The following CNTN5 variants were observed in gnomAD, a reference collection of about 807,000 sequenced individuals.
The protein encoded by CNTN5 is contactin-5.
A neutral mutation model predicts 129.1 loss-of-function variants in CNTN5; 77 were observed. The observed-to-expected ratio is 0.60, with a 90% CI of 0.50 to 0.72. CNTN5 has a LOEUF of 0.72. Among genes scored for constraint, CNTN5 ranks in the 30% least tolerant of loss-of-function variants. The pLI is 0.00. For synonymous variants in CNTN5, 509 were observed against 465.6 expected (o/e 1.09, Z -1.20); for missense variants, 1,478 against 1,328.8 (o/e 1.11, Z -1.75).
chr11:100,274,091 C>T (rs564028474), intron 18 of CNTN5, among the ~76,000 whole-genome samples: 12 of 152,136 alleles, frequency 7.9e-5, no homozygotes, highest in South Asian at 2.1e-4. Context: ...ATCTGATTTT[C>T]GACAAATCTG....
At chr11:100,057,380 C>T (rs1453046495) in intron 9 of CNTN5, among the ~76,000 whole-genome samples, 1 of 151,164 alleles carries the variant, frequency 6.6e-6, no homozygotes, top group Non-Finnish European at 1.5e-5. Flanking sequence ...AAACTTCTGT[C>T]ATAGTCAATC....
intron 8 of CNTN5, among the ~76,000 whole-genome samples, chr11:99,969,046 A>T (rs149960814): frequency 1.4e-4 from 22 of 152,262 alleles, no homozygotes; most frequent in Admixed American, 1.1e-3. Flanking sequence ...TCATTTGCTC[A>T]CATGTCCTTG....
rs193230400 is a variant in CNTN5, at chr11:99,759,953, G to A, written c.56-59591G>A. On this transcript the variant is annotated intron_variant, in intron 3 of 24. Transcript: ENST00000524871. Reference sequence around the variant, plus strand: ...AGGAGTCTAATTTAGTGAGGCCTATGGGGGTGGAGTGAAATGATACTTCAG... The same window carrying A: ...AGGAGTCTAATTTAGTGAGGCCTATAGGGGTGGAGTGAAATGATACTTCAG... 5.3e-3 allele frequency among the ~76,000 whole-genome samples: 803 copies of A among 152,126 alleles called. 7 individuals carry two copies. Among genetic ancestry groups the A allele is most frequent in the Non-Finnish European group, 8.9e-3 (607 of 67,970 alleles).
At chr11:99,033,640 G>A (rs934536666) in intron 1 of CNTN5, among the ~76,000 whole-genome samples, 2 of 150,720 alleles carry the variant, frequency 1.3e-5, no homozygotes, top group African/African-American at 4.9e-5. Context: ...CTTTGCTGAA[G>A]TTGCTTATCA....
chr11:99,040,558 G>T (rs1213999745), intron 1 of CNTN5, among the ~76,000 whole-genome samples: 1 of 151,970 alleles, frequency 6.6e-6, no homozygotes, highest in Non-Finnish European at 1.5e-5. Flanking sequence ...TAAATTCAAA[G>T]AAAAGATGAG....
intron 3 of CNTN5, among the ~76,000 whole-genome samples, chr11:99,571,053 G>A (rs1488981012): frequency 6.6e-6 from 1 of 152,110 alleles, no homozygotes; most frequent in African/African-American, 2.4e-5. Flanking sequence ...GATAGGTGGT[G>A]AAATAATGAG....
intron 1 of CNTN5, among the ~76,000 whole-genome samples, chr11:99,180,374 G>C (rs1398745523): frequency 2.0e-5 from 3 of 152,130 alleles, no homozygotes; most frequent in Admixed American, 6.5e-5. Context: ...CACAGGCGAG[G>C]AGAGGTCTCA....
intron 23 of CNTN5, among the ~76,000 whole-genome samples, chr11:100,345,748 T>C (rs923400440): frequency 6.6e-6 from 1 of 152,090 alleles, no homozygotes; most frequent in African/African-American, 2.4e-5. Flanking sequence ...GGTGAAACTT[T>C]CCACTGATTT....
At chr11:99,762,878 T>A (rs561290844) in intron 3 of CNTN5, among the ~76,000 whole-genome samples, 1 of 152,290 alleles carries the variant, frequency 6.6e-6, no homozygotes, top group South Asian at 2.1e-4. Context: ...TCCTTAAGAT[T>A]CTTATGAATT....
chr11:99,765,746 G>A (rs1474659308), intron 3 of CNTN5, among the ~76,000 whole-genome samples: 1 of 151,378 alleles, frequency 6.6e-6, no homozygotes, highest in Non-Finnish European at 1.5e-5. Context: ...TGTTGTTAAT[G>A]GTGAGATATG....
intron 2 of CNTN5, among the ~76,000 whole-genome samples, chr11:99,512,446 T>G (rs1210932253): frequency 2.6e-5 from 4 of 152,192 alleles, no homozygotes; most frequent in African/African-American, 9.6e-5. Flanking sequence ...AATATATCCC[T>G]GCCATTAAGT....
chr11:99,907,560 A>G (rs1949542409), intron 6 of CNTN5, among the ~76,000 whole-genome samples: 1 of 151,770 alleles, frequency 6.6e-6, no homozygotes, highest in Non-Finnish European at 1.5e-5. Context: ...GGCTGTATAC[A>G]TATATTATTA....
At chr11:100,117,498 G>A (rs1197147478) in intron 13 of CNTN5, among the ~76,000 whole-genome samples, 1 of 151,918 alleles carries the variant, frequency 6.6e-6, no homozygotes, top group Non-Finnish European at 1.5e-5. Flanking sequence ...GTGTTTCTGG[G>A]AGGATTACGT....
chr11:100,091,405 G>A (rs956563318), intron 13 of CNTN5, among the ~76,000 whole-genome samples: 1 of 144,726 alleles, frequency 6.9e-6, no homozygotes, highest in Non-Finnish European at 1.5e-5. Context: ...TGTTCTTTTT[G>A]GTTTATTTTT....
At chr11:99,067,392 A>C (rs1865143960) in intron 1 of CNTN5, among the ~76,000 whole-genome samples, 1 of 151,196 alleles carries the variant, frequency 6.6e-6, no homozygotes, top group Non-Finnish European at 1.5e-5. Context: ...CAATGGAGAC[A>C]TGTGCAAGGG....
chr11:99,143,730 A>G (rs1859645020), intron 1 of CNTN5, among the ~76,000 whole-genome samples: 2 of 152,220 alleles, frequency 1.3e-5, no homozygotes, highest in Admixed American at 1.3e-4. Flanking sequence ...AAAATGTAGG[A>G]AAGTTAATCC....
At chr11:99,139,055 A>T (rs56082009) in intron 1 of CNTN5, among the ~76,000 whole-genome samples, 22,845 of 151,454 alleles carry the variant, frequency 0.15, 2,165 homozygotes, top group East Asian at 0.41. Flanking sequence ...AACCTGGGCA[A>T]CATCTTGGGT....
intron 3 of CNTN5, among the ~76,000 whole-genome samples, chr11:99,708,220 A>T (rs1380847077): frequency 6.6e-6 from 1 of 151,714 alleles, no homozygotes; most frequent in African/African-American, 2.4e-5. Flanking sequence ...GCTATGAAAA[A>T]TAAATCCTGC....
chr11:99,986,932 T>G (rs922675589), intron 8 of CNTN5, among the ~76,000 whole-genome samples: 7 of 152,184 alleles, frequency 4.6e-5, no homozygotes, highest in African/African-American at 1.7e-4. Flanking sequence ...AACTTGATAA[T>G]TGACTGATTG....
Sources: gnomAD v4.1 joint callset for allele counts (sites outside exome capture counted in the v4.1 genomes callset) on GRCh38, gnomAD v4.1.1 for gene constraint, MANE v1.5 for transcripts, NCBI Gene and HGNC (gene_info 2026-07-23, HGNC 2026-07-21) for gene names.